The following RBM26 variants were observed in gnomAD, a reference collection of about 807,000 sequenced individuals.
RBM26 encodes RNA-binding protein 26.
A neutral mutation model predicts 123.6 loss-of-function variants in RBM26; 30 were observed. The observed-to-expected ratio is 0.24, with a 90% CI of 0.18 to 0.33. The LOEUF is 0.33. Among genes scored for constraint, RBM26 ranks in the 10% least tolerant of loss-of-function variants. The pLI, the probability that RBM26 is intolerant of heterozygous loss-of-function variation, is 1.00. For missense variants in RBM26, 947 were observed against 1,203.6 expected (o/e 0.79, Z 3.15); for synonymous variants, 400 against 404.4 (o/e 0.99, Z 0.13).
At chr13:79,380,468 G>A (rs1227069040) in intron 1 of RBM26, among the ~76,000 whole-genome samples, 3 of 150,450 alleles carry the variant, frequency 2.0e-5, no homozygotes, top group Non-Finnish European at 4.4e-5. Flanking sequence ...CTAAGTAAAG[G>A]AGGGACAGGG....
At position 79,377,439 on chromosome 13, in the gene RBM26, T is replaced by A. The variant is rs1017532595; in HGVS notation, c.267A>T (p.Ser89=). 1 of 1,613,444 alleles carries A rather than the reference T, an allele frequency of 6.2e-7. No homozygotes were observed. The highest frequency in any genetic ancestry group is 8.5e-7 in the Non-Finnish European group (1 of 1,179,348). The change falls in exon 3 of 22, where the codon TCA becomes TCT. Residue 89 remains serine (S), a synonymous_variant. Transcript: ENST00000438737. ...KSYLPPPEQP[S]SGSLKVEFFP... ...AAAATTCTACCTTCAGGCTTCCTGA[T>A]GATGGCTGCTCTGGAGGAGGTAGGT...
rs570440035 is a variant in RBM26, at chr13:79,402,950, G to A, written c.71+2754C>T. 5.2e-3 allele frequency among the ~76,000 whole-genome samples: 793 copies of A among 152,158 alleles called. 7 individuals are homozygous for A. The highest frequency in any genetic ancestry group is 9.5e-3 in the South Asian group (46 of 4,828). On this transcript the variant is annotated intron_variant, in intron 1 of 21. Coordinates refer to ENST00000438737, the MANE Select transcript of RBM26 (RefSeq NM_001366735.2). Reference sequence around the variant, plus strand: ...GCTGAATTAACACATTCAAAATGTGGAGTAAGTCCAAAACCATGAAGTATT... The same window carrying A: ...GCTGAATTAACACATTCAAAATGTGAAGTAAGTCCAAAACCATGAAGTATT...
intron 19 of RBM26, among the ~76,000 whole-genome samples, chr13:79,335,224 T>C (rs2070150173): frequency 6.6e-6 from 1 of 152,106 alleles, no homozygotes; most frequent in Non-Finnish European, 1.5e-5. Context: ...AAAGAGAATG[T>C]CCTAGAGCCA....
At chr13:79,317,860 T>C (rs1169939768), downstream of RBM26, among the ~76,000 whole-genome samples, 2 of 151,672 alleles carry the variant, frequency 1.3e-5, no homozygotes, top group Non-Finnish European at 3.0e-5. Context: ...AGGGAGGTAT[T>C]TGTCACTCTA....
At chr13:79,373,565 T>G (rs1284264859) in intron 3 of RBM26, among the ~76,000 whole-genome samples, 1 of 109,776 alleles carries the variant, frequency 9.1e-6, no homozygotes, top group African/African-American at 3.7e-5. Context: ...ACTATATATA[T>G]TTATATAATA....
Position 79,319,948 on chromosome 13 carries a change from G to GGTTTT in RBM26, c.*672_*673insAAAAC. 3 of 438,096 alleles carry GGTTTT rather than the reference G, an allele frequency of 6.8e-6. No individual in the cohort carries two copies. The highest frequency in any genetic ancestry group is 7.6e-6 in the Non-Finnish European group (3 of 396,112). The allele number at this position is 438,096 out of a possible 1,614,324, so 27.1% of individuals were successfully genotyped here. On this transcript the variant is annotated 3_prime_UTR_variant, in exon 22 of 22. Transcript: ENST00000438737. ...TTTTAAATCAAGGAACATTGTCTTG[G>GGTTTT]CTTTTTTTTTTTTTTTTTTTTTGTC...
chr13:79,383,778 AAGG>A (rs2077257465), intron 1 of RBM26, among the ~76,000 whole-genome samples: 1 of 152,170 alleles, frequency 6.6e-6, no homozygotes, highest in African/African-American at 2.4e-5. Flanking sequence ...ATAAAGTGTA[AAGG>A]AGGAGAAAGG....
In RBM26 at chr13:79,344,657, A is replaced by G; in HGVS notation, c.2184+12T>C. The stretch of plus-strand genomic sequence containing the variant: ...ATGCAAAAATTTTTTATACTATACC[A>G]GTTGTACTTACCTGTTTTTTTTTCT... On this transcript the variant is annotated intron_variant, in intron 15 of 21. Coordinates refer to ENST00000438737, the MANE Select transcript of RBM26 (RefSeq NM_001366735.2). The G allele has an allele frequency of 6.2e-7, 1 of 1,607,944 alleles. No individual in the cohort carries two copies. Among genetic ancestry groups the G allele is most frequent in the Non-Finnish European group, 8.5e-7 (1 of 1,177,552 alleles).
Position 79,397,457 on chromosome 13 carries a change from T to C in RBM26, c.71+8247A>G, listed in dbSNP as rs180786611. Among the ~76,000 whole-genome samples the C allele has an allele frequency of 2.0e-3, 307 of 151,590 alleles. 5 individuals carry two copies. Among genetic ancestry groups the C allele is most frequent in the Non-Finnish European group, 1.2e-3 (81 of 67,858 alleles). ...TTGGGAGGTTGAGGCAGGCGGATCATGAGGTCAGGAGATCGAGACCATCCT... is the reference window on the plus strand; with the variant it reads ...TTGGGAGGTTGAGGCAGGCGGATCACGAGGTCAGGAGATCGAGACCATCCT... On this transcript the variant is annotated intron_variant, in intron 1 of 21. Coordinates refer to ENST00000438737, the MANE Select transcript of RBM26 (RefSeq NM_001366735.2).
chr13:79,378,913 GA>G lies in RBM26; in HGVS notation c.72-7del. 5 of 1,551,610 alleles carry G rather than the reference GA, an allele frequency of 3.2e-6. No individual in the cohort carries two copies. Among genetic ancestry groups the G allele is most frequent in the East Asian group, 2.2e-5 (1 of 44,526 alleles). ...CGGATGGATCTGCATCACAGCTAAA[GA>G]AAAAAACCAATGTTGAAGAAAATTT... is the stretch of plus-strand genomic sequence containing the variant. On this transcript the variant is annotated splice_polypyrimidine_tract_variant and splice_region_variant and intron_variant, in intron 1 of 21. Transcript: ENST00000438737.
rs916567745 is a variant in RBM26, at chr13:79,378,972, A to C, written c.72-65T>G. 1.2e-5 allele frequency: 12 copies of C among 977,954 alleles called. No individual in the cohort carries two copies. The East Asian group carries it at 2.9e-4, about 23-fold the overall frequency. 60.6% of individuals were successfully genotyped at this position (977,954 alleles called of 1,614,324 possible). A position where few individuals can be genotyped will look rare whatever the true frequency, so the allele number is the denominator to read the frequency against. ...TGCACATTCTACAAATTCCAGTTAC[A>C]AACTGAATTAGTGAGAATAATAGTT... On this transcript the variant is annotated intron_variant, in intron 1 of 21. Coordinates refer to ENST00000438737, the MANE Select transcript of RBM26 (RefSeq NM_001366735.2).
At chr13:79,363,441 G>T (rs1275257057) in intron 9 of RBM26, among the ~76,000 whole-genome samples, 1 of 151,998 alleles carries the variant, frequency 6.6e-6, no homozygotes, top group African/African-American at 2.4e-5. Context: ...AGGACTAAAG[G>T]CAATCCTCAA....
At chr13:79,389,163 C>A (rs2077728287) in intron 1 of RBM26, among the ~76,000 whole-genome samples, 1 of 152,172 alleles carries the variant, frequency 6.6e-6, no homozygotes, top group Non-Finnish European at 1.5e-5. Context: ...GACACACTAT[C>A]TCCCGTAACT....
chr13:79,373,351 TAAA>T (rs1205198844), intron 3 of RBM26, among the ~76,000 whole-genome samples: 1 of 104,300 alleles, frequency 9.6e-6, no homozygotes, highest in Non-Finnish European at 1.7e-5. Context: ...TATATATAAA[TAAA>T]ATATATAAAT....
chr13:79,323,370 A>C (rs532386433), intron 20 of RBM26, among the ~76,000 whole-genome samples: 1 of 151,732 alleles, frequency 6.6e-6, no homozygotes, highest in South Asian at 2.1e-4. Context: ...CCCAGGTATA[A>C]ATTTTAAACC....
chr13:79,403,220 A>T (rs925417697), intron 1 of RBM26, among the ~76,000 whole-genome samples: 3 of 152,208 alleles, frequency 2.0e-5, no homozygotes, highest in Non-Finnish European at 4.4e-5. Flanking sequence ...CTGAAATGCA[A>T]TTAAAAGGAC....
chr13:79,360,792 A>G (rs988766826), intron 9 of RBM26, among the ~76,000 whole-genome samples: 1 of 152,180 alleles, frequency 6.6e-6, no homozygotes, highest in Non-Finnish European at 1.5e-5. Flanking sequence ...ATTTACTTAC[A>G]TGGCATGTAA....
intron 14 of RBM26, among the ~76,000 whole-genome samples, chr13:79,345,905 G>A (rs2072251828): frequency 6.6e-6 from 1 of 152,156 alleles, no homozygotes; most frequent in African/African-American, 2.4e-5. Flanking sequence ...AACAGTTTAA[G>A]TTCCACGGGG....
chr13:79,398,811 T>C (rs1198542905), intron 1 of RBM26, among the ~76,000 whole-genome samples: 1 of 152,322 alleles, frequency 6.6e-6, no homozygotes, highest in East Asian at 1.9e-4. Flanking sequence ...ATAGCTCACA[T>C]ATCTGCTGTT....
Sources: gnomAD v4.1 joint callset for allele counts (sites outside exome capture counted in the v4.1 genomes callset) on GRCh38, gnomAD v4.1.1 for gene constraint, MANE v1.5 for transcripts, NCBI Gene and HGNC (gene_info 2026-07-23, HGNC 2026-07-21) for gene names.